Variants in OR9Q2 observed in about 807,000 individuals in gnomAD.
The protein encoded by OR9Q2 is olfactory receptor family 9 subfamily Q member 2.
A neutral mutation model predicts 2.3 loss-of-function variants in OR9Q2; 2 were observed. The observed-to-expected ratio is 0.85, with a 90% CI of 0.35 to 2.68. OR9Q2 has a LOEUF of 2.68. OR9Q2 is among the 30% of genes most tolerant of loss of function. The probability of loss-of-function intolerance (pLI) is 0.10; values close to 1 mark genes in which losing one functional copy is unlikely to be tolerated. For synonymous variants in OR9Q2, 178 were observed against 158.6 expected (o/e 1.12, Z -0.92); for missense variants, 404 against 395.7 (o/e 1.02, Z -0.18).
rs893095319 is a variant in OR9Q2, at chr11:58,193,401, C to G, written c.*1966C>G. 6.6e-6 allele frequency: 1 copy of G among 152,190 alleles called. No homozygotes were observed. The highest frequency in any genetic ancestry group is 1.5e-5 in the Non-Finnish European group (1 of 68,030). 9.4% of individuals were successfully genotyped at this position (152,190 alleles called of 1,614,324 possible). A position where few individuals can be genotyped will look rare whatever the true frequency, so the allele number is the denominator to read the frequency against. The stretch of plus-strand genomic sequence containing the variant: ...CCTAGGTACAATGCTAAAAGCTTTA[C>G]ATGAATCCTTTATTTTAGCCCTCCT... On this transcript the variant is annotated 3_prime_UTR_variant, in exon 2 of 2. Transcript: ENST00000641291.
Position 58,192,650 on chromosome 11 carries a change from A to G in OR9Q2, c.*1215A>G, listed in dbSNP as rs553287817. On this transcript the variant is annotated 3_prime_UTR_variant, in exon 2 of 2. Coordinates refer to ENST00000641291, the MANE Select transcript of OR9Q2 (RefSeq NM_001005283.3). ...AAACAGCAACTTCTGAATTTGAGGA[A>G]TGTTTGTTTTAAGGAGATATAATAA... 6.6e-6 allele frequency: 1 copy of G among 152,084 alleles called. No homozygotes were observed. The highest frequency in any genetic ancestry group is 1.5e-5 in the Non-Finnish European group (1 of 68,020). 9.4% of individuals were successfully genotyped at this position (152,084 alleles called of 1,614,324 possible). A position where few individuals can be genotyped will look rare whatever the true frequency, so the allele number is the denominator to read the frequency against.
At position 58,190,537 on chromosome 11, in the gene OR9Q2, C is replaced by A; in HGVS notation, c.47C>A (p.Ala16Glu). 1 of 1,614,134 alleles carries A rather than the reference C, an allele frequency of 6.2e-7. No homozygotes were observed. Among genetic ancestry groups the A allele is most frequent in the South Asian group, 1.1e-5 (1 of 91,086 alleles). The change falls in exon 2 of 2, where the codon GCA (alanine) becomes GAA (glutamate). Residue 16 changes from alanine to glutamate, a missense_variant. Physicochemically the swap from Ala to Glu is moderately radical, Grantham distance 107. Transcript: ENST00000641291. The stretch of plus-strand genomic sequence containing the variant: ...GTAGTGACGGAGTTCTTCCTTACTG[C>A]ATTTACTGAACATCTCCAGTGGAGG... ...YTVVTEFFLT[A>E]FTEHLQWRVP...
chr11:58,192,796 A>T lies in OR9Q2; in HGVS notation c.*1361A>T, dbSNP rs1219463760. On this transcript the variant is annotated 3_prime_UTR_variant, in exon 2 of 2. Transcript: ENST00000641291. The stretch of plus-strand genomic sequence containing the variant: ...CTGGTAGAAATCATTTAAAAACTGC[A>T]GATTGGGGTGAAGGAATACCACAGA... 1 of 152,230 alleles carries T rather than the reference A, an allele frequency of 6.6e-6. No homozygotes were observed. The highest frequency in any genetic ancestry group is 1.5e-5 in the Non-Finnish European group (1 of 68,034). The allele number at this position is 152,230 out of a possible 1,614,324, so 9.4% of individuals were successfully genotyped here. A position where few individuals can be genotyped will look rare whatever the true frequency, so the allele number is the denominator to read the frequency against.
intron 1 of OR9Q2, among the ~76,000 whole-genome samples, chr11:58,189,720 T>G (rs1854740202): frequency 1.3e-5 from 2 of 152,202 alleles, no homozygotes; most frequent in African/African-American, 4.8e-5. Context: ...AGCTACTGTG[T>G]TTATTAGGGG....
rs772423414 is a variant in OR9Q2, at chr11:58,190,484, T to A, written c.-7T>A. ...GTCTTAGCCGTTGCAGGTGAACCAC[T>A]GGATGGATGGCTGAAAGGAATTACA... On this transcript the variant is annotated 5_prime_UTR_variant, in exon 2 of 2. Transcript: ENST00000641291. The A allele has an allele frequency of 1.9e-6, 3 of 1,605,580 alleles. No individual in the cohort carries two copies. The highest frequency in any genetic ancestry group is 2.6e-6 in the Non-Finnish European group (3 of 1,173,542).
In OR9Q2 at chr11:58,190,925, C is replaced by T. The variant is rs547644364; in HGVS notation, c.435C>T (p.Val145=). The change falls in exon 2 of 2, where the codon GTC becomes GTT. Residue 145 remains valine, a synonymous_variant. Coordinates refer to ENST00000641291, the MANE Select transcript of OR9Q2 (RefSeq NM_001005283.3). Reference sequence around the variant, plus strand: ...CCGAGAAGGCCCGCTGGGGCCTAGTCACTGGGGCTTACGTTGCTGGTTTTT... The same window carrying T: ...CCGAGAAGGCCCGCTGGGGCCTAGTTACTGGGGCTTACGTTGCTGGTTTTT... ...IITEKARWGL[V]TGAYVAGFFS... 1.9e-6 allele frequency: 3 copies of T among 1,614,214 alleles called. No homozygotes were observed. The highest frequency in any genetic ancestry group is 1.7e-5 in the Admixed American group (1 of 60,022).
chr11:58,191,105 C>T lies in OR9Q2; in HGVS notation c.615C>T (p.Phe205=), dbSNP rs753608202. 2.4e-5 allele frequency: 38 copies of T among 1,614,182 alleles called. No homozygotes were observed. The highest frequency in any genetic ancestry group is 3.1e-5 in the Non-Finnish European group (36 of 1,180,030). The part of the protein sequence containing the change: ...QEVVIIVFAL[F]VMPACILVIL... ...TGGTGATTATTGTGTTTGCTCTTTT[C>T]GTCATGCCTGCCTGTATCTTGGTGA... The change falls in exon 2 of 2, where the codon TTC becomes TTT. Residue 205 remains phenylalanine, a synonymous_variant. Transcript: ENST00000641291.
At position 58,190,880 on chromosome 11, in the gene OR9Q2, G is replaced by A. The variant is rs1453107521; in HGVS notation, c.390G>A (p.Leu130=). ...YDRYTAVCQP[L]LYVTIITEKA... is the part of the protein sequence containing the mutation. ...GCTACACGGCCGTGTGCCAGCCCCT[G>A]CTTTATGTCACCATCATAACCGAGA... is the stretch of plus-strand genomic sequence containing the variant. The change falls in exon 2 of 2, where the codon CTG becomes CTA. Residue 130 remains leucine (L), a synonymous_variant. Transcript: ENST00000641291. 7 of 1,614,210 alleles carry A rather than the reference G, an allele frequency of 4.3e-6. No individual in the cohort carries two copies. The highest frequency in any genetic ancestry group is 5.9e-6 in the Non-Finnish European group (7 of 1,180,038).
chr11:58,190,269 C>A, intron 1 of OR9Q2, 50 bp from the exon 2 acceptor site: 1 of 515,210 alleles, frequency 1.9e-6, no homozygotes, highest in South Asian at 3.4e-5. Flanking sequence ...CACTTGCTCT[C>A]TGTTCTTTCT....
rs780820833 is a variant in OR9Q2, at chr11:58,190,457, T to C, written c.-34T>C. 1 of 1,480,678 alleles carries C rather than the reference T, an allele frequency of 6.8e-7. No homozygotes were observed. The highest frequency in any genetic ancestry group is 2.3e-5 in the East Asian group (1 of 44,160). 91.7% of individuals were successfully genotyped at this position (1,480,678 alleles called of 1,614,324 possible). On this transcript the variant is annotated 5_prime_UTR_variant, in exon 2 of 2. Transcript: ENST00000641291. ...CTTGAGCTGTCCCCTCATCTGGCTC[T>C]TGTCTTAGCCGTTGCAGGTGAACCA...
In OR9Q2 at chr11:58,190,490, G is replaced by C. The variant is rs776731786; in HGVS notation, c.-1G>C. On this transcript the variant is annotated 5_prime_UTR_variant, in exon 2 of 2. Transcript: ENST00000641291. ...GCCGTTGCAGGTGAACCACTGGATG[G>C]ATGGCTGAAAGGAATTACACCGTAG... 6.2e-7 allele frequency: 1 copy of C among 1,609,078 alleles called. No homozygotes were observed. Among genetic ancestry groups the C allele is most frequent in the East Asian group, 2.2e-5 (1 of 44,854 alleles).
Position 58,191,031 on chromosome 11 carries a change from C to G in OR9Q2, c.541C>G (p.Leu181Val). 2.5e-6 allele frequency: 4 copies of G among 1,614,154 alleles called. No individual in the cohort carries two copies. Among genetic ancestry groups the G allele is most frequent in the Non-Finnish European group, 3.4e-6 (4 of 1,180,020 alleles). The change falls in exon 2 of 2, where the codon CTC (leucine) becomes GTC (valine). Residue 181 changes from leucine (L) to valine (V), a missense_variant. By Grantham distance (32) the Leu-to-Val change is conservative. Coordinates refer to ENST00000641291, the MANE Select transcript of OR9Q2 (RefSeq NM_001005283.3). Reference sequence around the variant, plus strand: ...TGAGATCAACTTCATTTTCTGTGACCTCCCTCCTCTATTAAAACTCTCCTG... The same window carrying G: ...TGAGATCAACTTCATTTTCTGTGACGTCCCTCCTCTATTAAAACTCTCCTG... Reference protein sequence around the residue: ...NNEINFIFCDLPPLLKLSCGD... With the variant: ...NNEINFIFCDVPPLLKLSCGD...
intron 1 of OR9Q2, among the ~76,000 whole-genome samples, chr11:58,190,118 T>C (rs1854743801): frequency 6.6e-6 from 1 of 152,178 alleles, no homozygotes; most frequent in Non-Finnish European, 1.5e-5. Context: ...TAATCTTATC[T>C]CATAAGCAGG....
Position 58,192,146 on chromosome 11 carries a change from T to TAATAATAATAATAATAGC in OR9Q2, c.*712_*713insATAATAATAATAATAGCA, listed in dbSNP as rs758130333. ...ATAATAATAATAATAATAATAATAATAGCAAGTTACACTTATTAGGCATTA... is the reference window on the plus strand; with the variant it reads ...ATAATAATAATAATAATAATAATAATAATAATAATAATAATAGCAGCAAGTTACACTTATTAGGCATTA... On this transcript the variant is annotated 3_prime_UTR_variant, in exon 2 of 2. Coordinates refer to ENST00000641291, the MANE Select transcript of OR9Q2 (RefSeq NM_001005283.3). The TAATAATAATAATAATAGC allele has an allele frequency of 8.0e-5, 12 of 150,310 alleles. No homozygotes were observed. Among genetic ancestry groups the TAATAATAATAATAATAGC allele is most frequent in the Non-Finnish European group, 1.5e-4 (10 of 67,666 alleles). The allele number at this position is 150,310 out of a possible 1,614,324, so 9.3% of individuals were successfully genotyped here.
chr11:58,191,404 T>C lies in OR9Q2; in HGVS notation c.914T>C (p.Leu305Pro). 3 of 1,607,866 alleles carry C rather than the reference T, an allele frequency of 1.9e-6. No homozygotes were observed. The highest frequency in any genetic ancestry group is 2.5e-6 in the Non-Finnish European group (3 of 1,176,814). The change falls in exon 2 of 2, where the codon CTG (leucine) becomes CCG (proline). Residue 305 changes from leucine (L) to proline (P), a missense_variant. Transcript: ENST00000641291. ...KEVKEATRKA[L>P]SKSKPARRP Reference sequence around the variant, plus strand: ...GTAAAAGAGGCCACTAGGAAAGCCCTGAGCAAATCAAAGCCTGCTAGAAGA... The same window carrying C: ...GTAAAAGAGGCCACTAGGAAAGCCCCGAGCAAATCAAAGCCTGCTAGAAGA...
chr11:58,191,257 T>C lies in OR9Q2; in HGVS notation c.767T>C (p.Ile256Thr). Residue 256 changes from isoleucine to threonine, a missense_variant, in exon 2 of 2, where the codon ATC becomes ACC. By Grantham distance (89) the Ile-to-Thr change is moderately conservative (BLOSUM62 -1). Coordinates refer to ENST00000641291, the MANE Select transcript of OR9Q2 (RefSeq NM_001005283.3). Reference sequence around the variant, plus strand: ...GTCGCTCTTTTCTTTGGCACCCTCATCTTCATGTACCTGCGAGACAACACA... The same window carrying C: ...GTCGCTCTTTTCTTTGGCACCCTCACCTTCATGTACCTGCGAGACAACACA... Reference protein sequence around the residue: ...TAVALFFGTLIFMYLRDNTGQ... With the variant: ...TAVALFFGTLTFMYLRDNTGQ... The C allele has an allele frequency of 1.2e-6, 2 of 1,614,082 alleles. No individual in the cohort carries two copies. Among genetic ancestry groups the C allele is most frequent in the South Asian group, 2.2e-5 (2 of 91,066 alleles).
In OR9Q2 at chr11:58,193,702, G is replaced by A. The variant is rs7128684; in HGVS notation, c.*2267G>A. ...TTTCAGTTGCATTCTTGATCTCCATGTTTGGTAGGTGTGGGCTGAGATGGG... is the reference window on the plus strand; with the variant it reads ...TTTCAGTTGCATTCTTGATCTCCATATTTGGTAGGTGTGGGCTGAGATGGG... On this transcript the variant is annotated 3_prime_UTR_variant, in exon 2 of 2. Transcript: ENST00000641291. The A allele has an allele frequency of 1.3e-5, 2 of 152,098 alleles. No individual in the cohort carries two copies. The highest frequency in any genetic ancestry group is 2.9e-5 in the Non-Finnish European group (2 of 68,012). 9.4% of individuals were successfully genotyped at this position (152,098 alleles called of 1,614,324 possible).
At position 58,190,709 on chromosome 11, in the gene OR9Q2, C is replaced by T. The variant is rs143799148; in HGVS notation, c.219C>T (p.Tyr73=). The change falls in exon 2 of 2, where the codon TAC becomes TAT. Residue 73 remains tyrosine, a synonymous_variant. Transcript: ENST00000641291. ...LSHLSLVDIC[Y]SSAIIPQMLA... The stretch of plus-strand genomic sequence containing the variant: ...ACCTTTCCTTGGTGGACATCTGCTA[C>T]TCGTCCGCCATCATCCCTCAGATGC... 6.5e-4 allele frequency: 1,042 copies of T among 1,614,202 alleles called. 2 individuals carry two copies. Among genetic ancestry groups the T allele is most frequent in the Middle Eastern group, 4.3e-3 (26 of 6,062 alleles).
Position 58,191,387 on chromosome 11 carries a change from G to C in OR9Q2, c.897G>C (p.Glu299Asp). ...IYSLRNKEVK[E>D]ATRKALSKSK... Reference sequence around the variant, plus strand: ...GCCTGAGAAACAAGGAGGTAAAAGAGGCCACTAGGAAAGCCCTGAGCAAAT... The same window carrying C: ...GCCTGAGAAACAAGGAGGTAAAAGACGCCACTAGGAAAGCCCTGAGCAAAT... Residue 299 changes from glutamate (E) to aspartate (D), a missense_variant, in exon 2 of 2, where the codon GAG becomes GAC. Coordinates refer to ENST00000641291, the MANE Select transcript of OR9Q2 (RefSeq NM_001005283.3). The C allele has an allele frequency of 6.2e-7, 1 of 1,613,438 alleles. No individual in the cohort carries two copies. Among genetic ancestry groups the C allele is most frequent in the Non-Finnish European group, 8.5e-7 (1 of 1,179,682 alleles).
Sources: allele counts gnomAD v4.1 joint callset (sites outside exome capture counted in the v4.1 genomes callset), GRCh38; gene constraint gnomAD v4.1.1; transcripts MANE v1.5; gene names NCBI Gene and HGNC (gene_info 2026-07-23, HGNC 2026-07-21).